The following PCDH19 variants were observed in gnomAD, a reference collection of about 807,000 sequenced individuals.
PCDH19 encodes the protein protocadherin 19.
In PCDH19, 6 loss-of-function variants were observed where a neutral mutation model predicts 46.2. The observed-to-expected ratio is 0.13, with a 90% CI of 0.07 to 0.26. The LOEUF is 0.26. PCDH19 is among the 10% of genes least tolerant of loss of function. The pLI is 1.00. For missense variants in PCDH19, 740 were observed against 972.3 expected (o/e 0.76, Z 3.18); for synonymous variants, 481 against 415.7 (o/e 1.16, Z -1.91).
Position 100,291,760 on chromosome X carries a change from A to T in PCDH19, c.*4517T>A, listed in dbSNP as rs1924429542. 8.8e-6 allele frequency: 1 copy of T among 113,227 alleles called. No homozygotes were observed. Among genetic ancestry groups the T allele is most frequent in the African/African-American group, 3.2e-5 (1 of 31,080 alleles). The allele number at this position is 113,227 out of a possible 1,213,427, so 9.3% of individuals were successfully genotyped here. On this transcript the variant is annotated 3_prime_UTR_variant, in exon 6 of 6. Coordinates refer to ENST00000373034, the MANE Select transcript of PCDH19 (RefSeq NM_001184880.2). ...ATAAAAGGAAACAATGTGGCAGATA[A>T]CACCATTTGAAACATAACTGTAATA...
intron 5 of PCDH19, among the ~76,000 whole-genome samples, chrX:100,302,310 A>AC (rs1924806959): frequency 8.9e-6 from 1 of 112,074 alleles, no homozygotes; most frequent in Non-Finnish European, 1.9e-5. Context: ...GCGGTTAAAC[A>AC]CAATTCATGA....
chrX:100,375,430 C>A (rs1951290624), intron 3 of PCDH19, among the ~76,000 whole-genome samples: 1 of 112,065 alleles, frequency 8.9e-6, no homozygotes, highest in African/African-American at 3.2e-5. Context: ...TTAACTCATC[C>A]TTTTTATGGC....
intron 4 of PCDH19, among the ~76,000 whole-genome samples, chrX:100,347,553 T>A (rs978778374): frequency 2.7e-5 from 3 of 111,685 alleles, no homozygotes; most frequent in Non-Finnish European, 5.6e-5. Flanking sequence ...CTATTTCATG[T>A]AGGAACCCTG....
intron 3 of PCDH19, among the ~76,000 whole-genome samples, chrX:100,389,625 A>T: frequency 8.9e-6 from 1 of 111,772 alleles, no homozygotes. Flanking sequence ...CAATGTATAC[A>T]TGAGTCAAAA....
intron 5 of PCDH19, among the ~76,000 whole-genome samples, chrX:100,326,438 T>G (rs140308838): frequency 2.5e-3 from 283 of 112,138 alleles, no homozygotes; most frequent in Middle Eastern, 9.3e-3. Context: ...CATTTATTTT[T>G]TAATGAAAGT....
At chrX:100,403,458 A>ACC in intron 2 of PCDH19, 66 bp downstream of exon 2, 2 of 964,154 alleles carry the variant, frequency 2.1e-6, no homozygotes, top group African/African-American at 2.0e-5. Flanking sequence ...TCACCCCCCG[A>ACC]CCCCCTCCTC....
intron 4 of PCDH19, among the ~76,000 whole-genome samples, chrX:100,343,584 G>A (rs777838001): frequency 8.9e-6 from 1 of 112,096 alleles, no homozygotes; most frequent in African/African-American, 3.2e-5. Context: ...ATAAGGTACA[G>A]CTATAGGGCA....
rs1207774161 is a variant in PCDH19 at position 100,410,190 on chromosome X, G to C, written c.-1593C>G. ...CATGGTGCACGGGAGCTGTGCTGCC[G>C]TCTGTGCCCGCTCGTCCGTCTCCGC... On this transcript the variant is annotated 5_prime_UTR_variant, in exon 1 of 6. Transcript: ENST00000373034. 3 of 295,718 alleles carry C rather than the reference G, an allele frequency of 1.0e-5. No homozygotes were observed. Among genetic ancestry groups the C allele is most frequent in the Non-Finnish European group, 1.8e-5 (3 of 169,954 alleles). The allele number at this position is 295,718 out of a possible 1,213,427, so 24.4% of individuals were successfully genotyped here. A position where few individuals can be genotyped will look rare whatever the true frequency, so the allele number is the denominator to read the frequency against.
At chrX:100,317,023 A>T (rs1488148167) in intron 5 of PCDH19, among the ~76,000 whole-genome samples, 1 of 111,868 alleles carries the variant, frequency 8.9e-6, no homozygotes, top group Non-Finnish European at 1.9e-5. Context: ...ATTTGAGGAT[A>T]TAATTTTAGA....
intron 3 of PCDH19, among the ~76,000 whole-genome samples, chrX:100,394,981 G>C (rs1927983344): frequency 9.6e-6 from 1 of 104,151 alleles, no homozygotes; most frequent in African/African-American, 3.7e-5. Flanking sequence ...TCCGCCTCCC[G>C]GGTTCACGCC....
intron 3 of PCDH19, among the ~76,000 whole-genome samples, chrX:100,370,993 ATGTGTGTGTG>A (rs59834814): frequency 1.0e-4 from 10 of 98,406 alleles, no homozygotes; most frequent in Admixed American, 4.5e-4. Flanking sequence ...GTGTGTGTGC[ATGTGTGTGTG>A]TGTGTGTGTG....
intron 3 of PCDH19, among the ~76,000 whole-genome samples, chrX:100,357,426 T>C (rs931363257): frequency 1.2e-4 from 13 of 112,001 alleles, no homozygotes; most frequent in Non-Finnish European, 7.5e-5. Flanking sequence ...TAGCCCATAT[T>C]ATCTGTCCTT....
chrX:100,381,793 T>A (rs1927560476), intron 3 of PCDH19, among the ~76,000 whole-genome samples: 1 of 112,054 alleles, frequency 8.9e-6, no homozygotes, highest in African/African-American at 3.2e-5. Context: ...GTTGGGATGA[T>A]GTAATATGGG....
chrX:100,403,386 G>T, intron 2 of PCDH19, 138 bp downstream of exon 2: 1 of 557,521 alleles, frequency 1.8e-6, no homozygotes, highest in Non-Finnish European at 2.9e-6. Context: ...TAGGAGATCA[G>T]ACCCCATTCT....
intron 3 of PCDH19, among the ~76,000 whole-genome samples, chrX:100,372,686 C>T (rs867912996): frequency 8.9e-6 from 1 of 112,041 alleles, no homozygotes; most frequent in Non-Finnish European, 1.9e-5. Flanking sequence ...AAATTTGTGG[C>T]GTGAGCAAGG....
Position 100,296,436 on chromosome X carries a change from C to T in PCDH19, c.3288G>A (p.Gln1096=). The change falls in exon 6 of 6, where the codon CAG becomes CAA. Residue 1096 remains glutamine (Q), a synonymous_variant. Coordinates refer to ENST00000373034, the MANE Select transcript of PCDH19 (RefSeq NM_001184880.2). ...ALAPPARDLE[Q]YVNNVNNGPT... is the part of the protein sequence containing the mutation. Reference sequence around the variant, plus strand: ...GGCCATTGTTGACATTGTTGACATACTGCTCCAGATCACGGGCTGGGGGAG... The same window carrying T: ...GGCCATTGTTGACATTGTTGACATATTGCTCCAGATCACGGGCTGGGGGAG... The T allele has an allele frequency of 8.3e-7, 1 of 1,211,482 alleles. No individual in the cohort carries two copies. The highest frequency in any genetic ancestry group is 1.1e-6 in the Non-Finnish European group (1 of 895,362).
rs73551561 is a variant in PCDH19, at chrX:100,394,306, T to C, written c.2616+8218A>G. On this transcript the variant is annotated intron_variant, in intron 3 of 5. Coordinates refer to ENST00000373034, the MANE Select transcript of PCDH19 (RefSeq NM_001184880.2). ...ATTCTGTAGGTAGCTGGACCTAACA[T>C]GTGTCTGTCAATTTGTCTGTCTCAC... 5.1e-3 allele frequency among the ~76,000 whole-genome samples: 572 copies of C among 112,343 alleles called. 9 individuals are homozygous for C. Among genetic ancestry groups the C allele is most frequent in the African/African-American group, 0.018 (548 of 30,907 alleles).
chrX:100,349,665 G>T (rs747858428), intron 4 of PCDH19, among the ~76,000 whole-genome samples: 4 of 112,266 alleles, frequency 3.6e-5, no homozygotes, highest in Non-Finnish European at 7.5e-5. Flanking sequence ...TACCCTGCTG[G>T]CCTCTCTGTT....
intron 5 of PCDH19, among the ~76,000 whole-genome samples, chrX:100,334,065 C>T (rs1424281270): frequency 9.0e-6 from 1 of 111,055 alleles, no homozygotes; most frequent in Non-Finnish European, 1.9e-5. Context: ...GCTGGGATTA[C>T]AGGCATGAGC....
Sources: allele counts gnomAD v4.1 joint callset (sites outside exome capture counted in the v4.1 genomes callset), GRCh38; gene constraint gnomAD v4.1.1; transcripts MANE v1.5; gene names NCBI Gene and HGNC (gene_info 2026-07-23, HGNC 2026-07-21).